CDH10: variants seen among roughly 807,000 people sequenced by gnomAD.
CDH10 encodes the protein cadherin 10.
CDH10 carries 30 observed loss-of-function variants against 73.1 expected under a neutral mutation model. The ratio of observed to expected loss-of-function variants is 0.41; its 90% CI spans 0.31 to 0.56. The LOEUF (loss-of-function observed/expected upper bound fraction) is 0.56, where lower values mean the gene tolerates loss of function less well. Ranked by LOEUF, CDH10 falls within the 20% of genes least tolerant of loss-of-function variation. The pLI, the probability that CDH10 is intolerant of heterozygous loss-of-function variation, is 0.27. For synonymous variants in CDH10, 345 were observed against 348.2 expected, an observed-to-expected ratio of 0.99 and a Z score of 0.10; for missense variants, 815 against 973.7, an observed-to-expected ratio of 0.84 and a Z score of 2.17.
At chr5:24,490,048 A>G (rs542317389) in intron 11 of CDH10, among the ~76,000 whole-genome samples, 1 of 152,274 alleles carries the variant, frequency 6.6e-6, no homozygotes, top group Admixed American at 6.5e-5. Flanking sequence ...TTTTTTGTCA[A>G]GTGAAAAAGG....
chr5:24,488,580 T>C (rs1218840346), intron 11 of CDH10, among the ~76,000 whole-genome samples: 1 of 152,134 alleles, frequency 6.6e-6, no homozygotes, highest in East Asian at 1.9e-4. Context: ...GATGCTTACT[T>C]TTTTCAAAGC....
intron 2 of CDH10, among the ~76,000 whole-genome samples, chr5:24,576,109 A>C (rs879797848): frequency 1.3e-5 from 2 of 152,066 alleles, no homozygotes; most frequent in Non-Finnish European, 2.9e-5. Flanking sequence ...ATTTTAGGGC[A>C]TTTATTTTTC....
Position 24,495,856 on chromosome 5 carries a change from C to CAAA in CDH10, c.1515+2539_1515+2541dup, listed in dbSNP as rs59901498. Among the ~76,000 whole-genome samples the CAAA allele has an allele frequency of 6.2e-3, 753 of 120,928 alleles. 9 individuals are homozygous for CAAA. Among genetic ancestry groups the CAAA allele is most frequent in the African/African-American group, 0.02 (699 of 35,208 alleles). 79.3% of individuals were successfully genotyped at this position (120,928 alleles called of 152,430 possible). On this transcript the variant is annotated intron_variant, in intron 9 of 11. Transcript: ENST00000264463. ...GGCAACAGGGAGCATCTTCCTCAAA[C>CAAA]AAAAAAAAAAAAAGAAAGAAAGAAA...
chr5:24,492,491 G>C lies in CDH10; in HGVS notation c.1624+326C>G, dbSNP rs568507992. ...CTAAATCTCACTGAAGTCTGCTTAA[G>C]AGTCTCACTGAATCATTCATTTTTC... On this transcript the variant is annotated intron_variant, in intron 10 of 11. Transcript: ENST00000264463. Among the ~76,000 whole-genome samples, 38 of 152,256 alleles carry C rather than the reference G, an allele frequency of 2.5e-4. No homozygotes were observed. In the South Asian group the frequency reaches 4.1e-3, roughly 17 times the overall value.
In CDH10 at chr5:24,535,248, G is replaced by A. The variant is rs1173338304; in HGVS notation, c.678C>T (p.Asn226=). Residue 226 remains asparagine, a synonymous_variant, in exon 5 of 12, where the codon AAC becomes AAT. Transcript: ENST00000264463. ...GIIRTALPNM[N]RENREQYQVV... ...CTTGGTATTGCTCTCTGTTTTCTCT[G>A]TTCATGTTCGGTAAAGCAGTCCTGA... 7 of 1,612,742 alleles carry A rather than the reference G, an allele frequency of 4.3e-6. No individual in the cohort carries two copies. The highest frequency in any genetic ancestry group is 5.9e-6 in the Non-Finnish European group (7 of 1,179,450).
At chr5:24,530,016 CT>C (rs34282847) in intron 5 of CDH10, among the ~76,000 whole-genome samples, 1,396 of 121,822 alleles carry the variant, frequency 0.011, 15 homozygotes, top group African/African-American at 0.04. Context: ...TCTATTTTTA[CT>C]TTTTTTTTTT....
At chr5:24,537,337 A>G (rs2111891302) in intron 3 of CDH10, 43 bp downstream of exon 3, 7 of 1,371,100 alleles carry the variant, frequency 5.1e-6, no homozygotes, top group Non-Finnish European at 7.0e-6. Context: ...TGATTTTTAA[A>G]ACACTTTTTG....
intron 1 of CDH10, among the ~76,000 whole-genome samples, chr5:24,637,362 C>CTGTG (rs1747899718): frequency 6.6e-6 from 1 of 151,948 alleles, no homozygotes; most frequent in Admixed American, 6.6e-5. Context: ...AAACTTAAGA[C>CTGTG]TGTGGTAGGT....
chr5:24,541,178 A>G (rs1015116554), intron 2 of CDH10, among the ~76,000 whole-genome samples: 1 of 152,048 alleles, frequency 6.6e-6, no homozygotes, highest in Admixed American at 6.6e-5. Flanking sequence ...TAACAGGTCT[A>G]TTGATATTGA....
chr5:24,615,881 G>A (rs2112155833), intron 1 of CDH10, among the ~76,000 whole-genome samples: 1 of 152,264 alleles, frequency 6.6e-6, no homozygotes, highest in South Asian at 2.1e-4. Context: ...ACCTTAGTAG[G>A]TGTTCATTTC....
intron 5 of CDH10, among the ~76,000 whole-genome samples, chr5:24,516,046 T>C (rs750290455): frequency 6.6e-6 from 1 of 152,210 alleles, no homozygotes; most frequent in Admixed American, 6.5e-5. Flanking sequence ...CTTGGGTATG[T>C]CTTTATTAGC....
intron 1 of CDH10, among the ~76,000 whole-genome samples, chr5:24,626,731 G>T (rs1747513203): frequency 6.6e-6 from 1 of 151,390 alleles, no homozygotes; most frequent in Non-Finnish European, 1.5e-5. Flanking sequence ...CGGAGAACAT[G>T]CCACTGCACT....
At chr5:24,530,212 A>G (rs1204604945) in intron 5 of CDH10, among the ~76,000 whole-genome samples, 1 of 151,680 alleles carries the variant, frequency 6.6e-6, no homozygotes, top group Non-Finnish European at 1.5e-5. Flanking sequence ...TGTTAAGGCA[A>G]AGATGGAATT....
At chr5:24,620,727 G>A (rs1747286777) in intron 1 of CDH10, among the ~76,000 whole-genome samples, 1 of 152,022 alleles carries the variant, frequency 6.6e-6, no homozygotes, top group Admixed American at 6.6e-5. Flanking sequence ...GGGCAGAACA[G>A]GTTTTTTTTT....
At chr5:24,552,243 A>T (rs1043933621) in intron 2 of CDH10, among the ~76,000 whole-genome samples, 1 of 152,024 alleles carries the variant, frequency 6.6e-6, no homozygotes, top group Non-Finnish European at 1.5e-5. Context: ...AGCTTTCTAG[A>T]GATATTGTGC....
intron 1 of CDH10, among the ~76,000 whole-genome samples, chr5:24,602,816 G>A (rs959853555): frequency 2.0e-5 from 3 of 152,096 alleles, no homozygotes; most frequent in African/African-American, 4.8e-5. Context: ...TTTATTTAGA[G>A]TGAGTCTTCT....
At chr5:24,627,423 A>T (rs1747547801) in intron 1 of CDH10, among the ~76,000 whole-genome samples, 1 of 152,330 alleles carries the variant, frequency 6.6e-6, no homozygotes, top group Admixed American at 6.5e-5. Flanking sequence ...AATTTTATAA[A>T]AAGAAAAATA....
At chr5:24,566,141 C>A (rs1330588266) in intron 2 of CDH10, among the ~76,000 whole-genome samples, 4 of 152,044 alleles carry the variant, frequency 2.6e-5, no homozygotes, top group Non-Finnish European at 4.4e-5. Context: ...CTCTGTCTTT[C>A]GGGTTAAAGC....
At chr5:24,497,371 T>C (rs1370075339) in intron 9 of CDH10, among the ~76,000 whole-genome samples, 1 of 151,830 alleles carries the variant, frequency 6.6e-6, no homozygotes, top group Non-Finnish European at 1.5e-5. Context: ...TGGAATGGTA[T>C]TTTTGGGGCG....
Sources: allele counts gnomAD v4.1 joint callset (sites outside exome capture counted in the v4.1 genomes callset), GRCh38; gene constraint gnomAD v4.1.1; transcripts MANE v1.5; gene names NCBI Gene and HGNC (gene_info 2026-07-23, HGNC 2026-07-21).